TPD52L1: variants seen among roughly 807,000 people sequenced by gnomAD.
TPD52L1 encodes tumor protein D53.
In TPD52L1, 18 loss-of-function variants were observed where a neutral mutation model predicts 28.7. That is an observed-to-expected ratio of 0.63 (90% CI 0.43 to 0.93). The LOEUF is 0.93. Among genes scored for constraint, TPD52L1 ranks in the 40% least tolerant of loss-of-function variants. The pLI, the probability that TPD52L1 is intolerant of heterozygous loss-of-function variation, is 0.00. For synonymous variants in TPD52L1, 75 were observed against 88.8 expected, an observed-to-expected ratio of 0.84 and a Z score of 0.88; for missense variants, 203 against 254.8, an observed-to-expected ratio of 0.80 and a Z score of 1.39.
At chr6:125,175,613 A>C (rs1791775240) in intron 1 of TPD52L1, among the ~76,000 whole-genome samples, 1 of 152,220 alleles carries the variant, frequency 6.6e-6, no homozygotes, top group Non-Finnish European at 1.5e-5. Flanking sequence ...GAGCTCCAGA[A>C]GGAAAAATAA....
intron 1 of TPD52L1, among the ~76,000 whole-genome samples, chr6:125,198,889 C>T (rs1793616613): frequency 1.3e-5 from 2 of 152,136 alleles, no homozygotes; most frequent in African/African-American, 4.8e-5. Context: ...ACACACAGTT[C>T]CCTACAATCA....
At chr6:125,240,394 G>A (rs1036510790) in intron 3 of TPD52L1, among the ~76,000 whole-genome samples, 8 of 152,068 alleles carry the variant, frequency 5.3e-5, no homozygotes, top group Non-Finnish European at 8.8e-5. Context: ...GAATTGCATT[G>A]AATCTGTAGA....
Position 125,229,274 on chromosome 6 carries a change from T to C in TPD52L1, c.284+8T>C. On this transcript the variant is annotated splice_region_variant and intron_variant, in intron 3 of 6. Coordinates refer to ENST00000534000, the MANE Select transcript of TPD52L1 (RefSeq NM_003287.4). ...CATGCAGACTACCACTGCGTAAGTA[T>C]CATATGAACAGTGTTTTATTAACTC... The C allele has an allele frequency of 6.2e-7, 1 of 1,604,014 alleles. No homozygotes were observed. The highest frequency in any genetic ancestry group is 1.1e-5 in the South Asian group (1 of 89,298).
chr6:125,192,145 T>C (rs751614833), intron 1 of TPD52L1, among the ~76,000 whole-genome samples: 2 of 152,078 alleles, frequency 1.3e-5, no homozygotes, highest in Non-Finnish European at 2.9e-5. Context: ...TGGAAATTTT[T>C]GTTTTCCTGA....
At chr6:125,197,659 A>G (rs1287987191) in intron 1 of TPD52L1, among the ~76,000 whole-genome samples, 3 of 152,182 alleles carry the variant, frequency 2.0e-5, no homozygotes, top group Admixed American at 6.5e-5. Flanking sequence ...GGAATATAAT[A>G]TAAAGTACTA....
chr6:125,217,361 A>G (rs967990528), intron 1 of TPD52L1, among the ~76,000 whole-genome samples: 3 of 152,144 alleles, frequency 2.0e-5, no homozygotes, highest in African/African-American at 7.2e-5. Flanking sequence ...GGGAGCCCTG[A>G]GCTTGTTTTC....
At chr6:125,195,438 G>A (rs997736410) in intron 1 of TPD52L1, among the ~76,000 whole-genome samples, 3 of 152,136 alleles carry the variant, frequency 2.0e-5, no homozygotes, top group East Asian at 1.9e-4. Context: ...ATTGTGGACC[G>A]CTAAGTCCTT....
chr6:125,244,365 C>T (rs1249143390), intron 3 of TPD52L1, among the ~76,000 whole-genome samples: 1 of 152,224 alleles, frequency 6.6e-6, no homozygotes, highest in African/African-American at 2.4e-5. Flanking sequence ...GGGCTGAGGT[C>T]CCAGCCTTGA....
rs1562411709 is a variant in TPD52L1, at chr6:125,261,011, AAAG to A, written c.487-1820_487-1818del. 1.2e-3 allele frequency: 36 copies of A among 30,014 alleles called. 1 individual carries two copies. Among genetic ancestry groups the A allele is most frequent in the African/African-American group, 5.9e-3 (25 of 4,252 alleles). The allele number at this position is 30,014 out of a possible 1,614,324, so 1.9% of individuals were successfully genotyped here. A position where few individuals can be genotyped will look rare whatever the true frequency, so the allele number is the denominator to read the frequency against. On this transcript the variant is annotated intron_variant, in intron 6 of 6. Coordinates refer to ENST00000534000, the MANE Select transcript of TPD52L1 (RefSeq NM_003287.4). ...GAAAGAAAGAAAGAAAGAAAGAAAG[AAAG>A]AAAGAAAAGAAAAGAAAGAAAGAAA...
intron 1 of TPD52L1, among the ~76,000 whole-genome samples, chr6:125,192,469 C>A (rs548401069): frequency 6.6e-6 from 1 of 152,036 alleles, no homozygotes; most frequent in East Asian, 1.9e-4. Flanking sequence ...TGGAGAAAAA[C>A]CTGCAGTGAC....
At chr6:125,165,288 T>G (rs492129) in intron 1 of TPD52L1, among the ~76,000 whole-genome samples, 2 of 151,510 alleles carry the variant, frequency 1.3e-5, no homozygotes, top group Non-Finnish European at 2.9e-5. Context: ...ATTTGAAATA[T>G]ATGCATTAAA....
chr6:125,186,482 G>A (rs1005476224), intron 1 of TPD52L1, among the ~76,000 whole-genome samples: 1 of 152,148 alleles, frequency 6.6e-6, no homozygotes, highest in African/African-American at 2.4e-5. Flanking sequence ...TTGAGCTAGG[G>A]AAAATTTAAA....
chr6:125,214,826 C>T (rs1004587743), intron 1 of TPD52L1, among the ~76,000 whole-genome samples: 1 of 152,122 alleles, frequency 6.6e-6, no homozygotes, highest in Non-Finnish European at 1.5e-5. Flanking sequence ...ATAGCATTTT[C>T]AAGTATATTA....
intron 1 of TPD52L1, among the ~76,000 whole-genome samples, chr6:125,161,916 A>G (rs1455853877): frequency 6.6e-6 from 1 of 152,204 alleles, no homozygotes; most frequent in African/African-American, 2.4e-5. Context: ...GTTGCCACAA[A>G]CCTTCAATTT....
At chr6:125,183,694 G>C (rs1187589929) in intron 1 of TPD52L1, among the ~76,000 whole-genome samples, 2 of 152,064 alleles carry the variant, frequency 1.3e-5, no homozygotes, top group Non-Finnish European at 2.9e-5. Context: ...ATTAGAACTG[G>C]AAAACATAAA....
At chr6:125,212,808 T>C (rs1794609997) in intron 1 of TPD52L1, among the ~76,000 whole-genome samples, 1 of 152,228 alleles carries the variant, frequency 6.6e-6, no homozygotes, top group African/African-American at 2.4e-5. Flanking sequence ...TGTGGTGTTG[T>C]TCAGCTCTGC....
intron 4 of TPD52L1, among the ~76,000 whole-genome samples, chr6:125,250,524 TTTTATC>T (rs1797201828): frequency 6.6e-6 from 1 of 152,210 alleles, no homozygotes; most frequent in South Asian, 2.1e-4. Context: ...AATTGCAGTT[TTTTATC>T]TTTAAGTGAC....
At chr6:125,236,034 A>G (rs973219550) in intron 3 of TPD52L1, among the ~76,000 whole-genome samples, 5 of 152,200 alleles carry the variant, frequency 3.3e-5, no homozygotes, top group African/African-American at 1.2e-4. Context: ...AATGTCTATC[A>G]TCTTCAAGGC....
intron 3 of TPD52L1, among the ~76,000 whole-genome samples, chr6:125,242,341 A>T (rs1015688780): frequency 3.9e-5 from 6 of 151,942 alleles, no homozygotes; most frequent in Non-Finnish European, 8.8e-5. Context: ...CCATTGTTTC[A>T]TTGTTGATTT....
Sources: gnomAD v4.1 joint callset for allele counts (sites outside exome capture counted in the v4.1 genomes callset) on GRCh38, gnomAD v4.1.1 for gene constraint, MANE v1.5 for transcripts, NCBI Gene and HGNC (gene_info 2026-07-23, HGNC 2026-07-21) for gene names.